The following LHFPL4 variants were observed in gnomAD, a reference collection of about 807,000 sequenced individuals.
LHFPL4 encodes LHFPL tetraspan subfamily member 4.
In LHFPL4, 6 loss-of-function variants were observed where a neutral mutation model predicts 20.0. The observed-to-expected ratio is 0.30, with a 90% confidence interval of 0.16 to 0.59. The LOEUF is 0.59. Ranked by LOEUF, LHFPL4 falls within the 20% of genes least tolerant of loss-of-function variation. LHFPL4 has a pLI of 0.88. For synonymous variants in LHFPL4, 129 were observed against 143.8 expected, an observed-to-expected ratio of 0.90 and a Z score of 0.74; for missense variants, 215 against 331.2, an observed-to-expected ratio of 0.65 and a Z score of 2.72.
rs1575654086 is a variant in LHFPL4, at chr3:9,499,057, C to A, written c.*3154G>T. On this transcript the variant is annotated 3_prime_UTR_variant, in exon 4 of 4. Transcript: ENST00000287585. ...GCAGAGAAAAGCGGGCAATGGCAGA[C>A]CCCTGATCACAGTTAGGGGGGTCAC... 1.3e-5 allele frequency: 2 copies of A among 152,868 alleles called. No homozygotes were observed. Among genetic ancestry groups the A allele is most frequent in the Non-Finnish European group, 2.9e-5 (2 of 68,652 alleles). The allele number at this position is 152,868 out of a possible 1,614,324, so 9.5% of individuals were successfully genotyped here.
intron 2 of LHFPL4, among the ~76,000 whole-genome samples, chr3:9,519,068 G>A (rs1302957140): frequency 6.6e-6 from 1 of 152,052 alleles, no homozygotes; most frequent in African/African-American, 2.4e-5. Flanking sequence ...CTCCTGAGTA[G>A]CTGGGATTAC....
In LHFPL4 at chr3:9,552,380, C is replaced by T. The variant is rs774925672; in HGVS notation, c.300G>A (p.Leu100=). 1.9e-6 allele frequency: 3 copies of T among 1,613,952 alleles called. No homozygotes were observed. Among genetic ancestry groups the T allele is most frequent in the South Asian group, 2.2e-5 (2 of 91,082 alleles). The change falls in exon 2 of 4, where the codon CTG becomes CTA. Residue 100 remains leucine (L), a synonymous_variant. Coordinates refer to ENST00000287585, the MANE Select transcript of LHFPL4 (RefSeq NM_198560.3). ...SAFKAAAFFV[L]LSMVLILGCI... ...AGCCGAGGATCAGCACCATGGAGAG[C>T]AGCACGAAGAAGGCGGCCGCCTTGA...
chr3:9,552,185 C>A, intron 2 of LHFPL4, 89 bp downstream of exon 2: 1 of 1,491,512 alleles, frequency 6.7e-7, no homozygotes, highest in South Asian at 1.4e-5. Flanking sequence ...GAAGCAGAAT[C>A]TATCCGACTC....
chr3:9,502,498 T>C (rs1316479440), intron 3 of LHFPL4, among the ~76,000 whole-genome samples, 187 bp from the exon 4 acceptor site: 1 of 151,602 alleles, frequency 6.6e-6, no homozygotes, highest in African/African-American at 2.4e-5. Flanking sequence ...GGTCAGGAGT[T>C]CAAGACCAGC....
chr3:9,533,755 C>T (rs2046426550), intron 2 of LHFPL4, among the ~76,000 whole-genome samples: 1 of 152,086 alleles, frequency 6.6e-6, no homozygotes, highest in Non-Finnish European at 1.5e-5. Context: ...GCACTCCAGC[C>T]TGGGCAACAG....
intron 2 of LHFPL4, among the ~76,000 whole-genome samples, chr3:9,530,973 A>G (rs2046404991): frequency 6.6e-6 from 1 of 152,288 alleles, no homozygotes; most frequent in East Asian, 1.9e-4. Flanking sequence ...AGGCCATAAC[A>G]GGGTTATTAA....
At chr3:9,527,507 A>G (rs2125661834) in intron 2 of LHFPL4, among the ~76,000 whole-genome samples, 1 of 152,186 alleles carries the variant, frequency 6.6e-6, no homozygotes, top group Middle Eastern at 3.4e-3. Context: ...GCTTGAGCCC[A>G]GGAGTCAAAA....
At chr3:9,553,220 G>T (rs2046568823) in intron 1 of LHFPL4, among the ~76,000 whole-genome samples, 1 of 151,548 alleles carries the variant, frequency 6.6e-6, no homozygotes, top group Non-Finnish European at 1.5e-5. Flanking sequence ...AGGCGGTGGT[G>T]GGCGCTTCTA....
chr3:9,538,578 G>A (rs2125665278), intron 2 of LHFPL4, among the ~76,000 whole-genome samples: 1 of 152,298 alleles, frequency 6.6e-6, no homozygotes, highest in South Asian at 2.1e-4. Context: ...ACAGCGCCAT[G>A]AGGCAGTTAT....
intron 2 of LHFPL4, among the ~76,000 whole-genome samples, chr3:9,548,406 C>T (rs2046531423): frequency 6.6e-6 from 1 of 152,182 alleles, no homozygotes; most frequent in Non-Finnish European, 1.5e-5. Flanking sequence ...CCTTCCTCTC[C>T]TCTCCTCATG....
intron 2 of LHFPL4, among the ~76,000 whole-genome samples, chr3:9,549,420 G>C (rs2648394): frequency 0.047 from 7,198 of 152,308 alleles, 229 homozygotes; most frequent in Non-Finnish European, 0.071. Context: ...AACAGGCCAG[G>C]CATGGTGGCT....
At chr3:9,517,120 G>A (rs576453634) in intron 2 of LHFPL4, among the ~76,000 whole-genome samples, 1 of 152,230 alleles carries the variant, frequency 6.6e-6, no homozygotes, top group South Asian at 2.1e-4. Flanking sequence ...GTAAGTCTTG[G>A]TAAGTCTTGA....
chr3:9,520,992 G>C (rs1249733339), intron 2 of LHFPL4, among the ~76,000 whole-genome samples: 3 of 152,052 alleles, frequency 2.0e-5, no homozygotes, highest in Admixed American at 6.6e-5. Context: ...TTCCATTTCT[G>C]ATAGAGAGGT....
chr3:9,502,191 T>C lies in LHFPL4; in HGVS notation c.*20A>G. 1.3e-6 allele frequency: 2 copies of C among 1,582,536 alleles called. No homozygotes were observed. The highest frequency in any genetic ancestry group is 1.3e-5 in the African/African-American group (1 of 74,356). ...GACAAGCTGAGGTCAGGCCAATTAC[T>C]GGGCTGTGATCCTGGCCTTTCAGGG... On this transcript the variant is annotated 3_prime_UTR_variant, in exon 4 of 4. Coordinates refer to ENST00000287585, the MANE Select transcript of LHFPL4 (RefSeq NM_198560.3).
intron 2 of LHFPL4, among the ~76,000 whole-genome samples, chr3:9,514,209 A>G (rs2046282812): frequency 1.3e-5 from 2 of 152,208 alleles, no homozygotes; most frequent in African/African-American, 4.8e-5. Context: ...TGGGAGGATG[A>G]GGTGGGAGAA....
At chr3:9,507,035 C>T (rs1336154785) in intron 2 of LHFPL4, among the ~76,000 whole-genome samples, 1 of 152,240 alleles carries the variant, frequency 6.6e-6, no homozygotes, top group Non-Finnish European at 1.5e-5. Flanking sequence ...AGGACTTAGC[C>T]TAGTTCTTCC....
intron 2 of LHFPL4, among the ~76,000 whole-genome samples, chr3:9,509,494 C>G (rs370630357): frequency 6.6e-6 from 1 of 152,132 alleles, no homozygotes; most frequent in African/African-American, 2.4e-5. Context: ...TGCAGTGTGC[C>G]GGGGACAGCA....
At chr3:9,520,055 C>A (rs538021668) in intron 2 of LHFPL4, among the ~76,000 whole-genome samples, 108 of 152,102 alleles carry the variant, frequency 7.1e-4, no homozygotes, top group Non-Finnish European at 1.4e-3. Context: ...GAGTTTAGAT[C>A]TTTCTTCTTT....
chr3:9,505,273 TC>T, intron 3 of LHFPL4, among the ~76,000 whole-genome samples: 2 of 85,170 alleles, frequency 2.3e-5, no homozygotes, highest in East Asian at 1.8e-3. Flanking sequence ...TTCTTTTCTT[TC>T]TTTTTTTTTT....
Sources: gnomAD v4.1 joint callset for allele counts (sites outside exome capture counted in the v4.1 genomes callset) on GRCh38, gnomAD v4.1.1 for gene constraint, MANE v1.5 for transcripts, NCBI Gene and HGNC (gene_info 2026-07-23, HGNC 2026-07-21) for gene names.